The following CNOT4 variants were observed in gnomAD, a reference collection of about 807,000 sequenced individuals.
CNOT4 encodes CCR4-NOT transcription complex subunit 4, also known as CCR4-associated factor 4.
In CNOT4, 8 loss-of-function variants were observed where a neutral mutation model predicts 73.8. The observed-to-expected ratio is 0.11, with a 90% confidence interval of 0.06 to 0.20. CNOT4 has a LOEUF of 0.20. Among genes scored for constraint, CNOT4 ranks in the 10% least tolerant of loss-of-function variants. CNOT4 has a pLI of 1.00. For synonymous variants in CNOT4, 293 were observed against 321.1 expected (o/e 0.91, Z 0.94); for missense variants, 564 against 883.4 (o/e 0.64, Z 4.58).
chr7:135,476,109 T>C (rs1801976500), intron 1 of CNOT4, among the ~76,000 whole-genome samples: 1 of 152,062 alleles, frequency 6.6e-6, no homozygotes, highest in Admixed American at 6.5e-5. Context: ...AAAAATGTAG[T>C]AAAAAGATAC....
intron 7 of CNOT4, among the ~76,000 whole-genome samples, chr7:135,401,785 C>T (rs943110908): frequency 1.2e-4 from 19 of 152,112 alleles, no homozygotes; most frequent in African/African-American, 4.6e-4. Flanking sequence ...TCTGAAAAGG[C>T]TAGGAGTTGA....
At chr7:135,410,214 A>C (rs1302434728) in intron 7 of CNOT4, among the ~76,000 whole-genome samples, 2 of 152,104 alleles carry the variant, frequency 1.3e-5, no homozygotes, top group African/African-American at 4.8e-5. Flanking sequence ...GAGCCTTTTA[A>C]AACCTAAAAT....
rs76174522 is a variant in CNOT4, at chr7:135,379,770, T to C, written c.1627+14148A>G. On this transcript the variant is annotated intron_variant, in intron 10 of 11. Transcript: ENST00000541284. ...CAATCTTTTACCTTTAGCTGGATAC[T>C]AAACATATAGATGTAATAAAGGAAA... is the stretch of plus-strand genomic sequence containing the variant. Among the ~76,000 whole-genome samples the C allele has an allele frequency of 2.2e-3, 339 of 152,252 alleles. 12 individuals are homozygous for C. In the East Asian group the frequency reaches 0.054, roughly 24 times the overall value.
intron 3 of CNOT4, among the ~76,000 whole-genome samples, chr7:135,416,345 GTAAT>G (rs1406063862): frequency 6.6e-6 from 1 of 152,100 alleles, no homozygotes; most frequent in African/African-American, 2.4e-5. Context: ...TTAATAGAAA[GTAAT>G]TAATCTTATA....
chr7:135,435,051 G>C lies in CNOT4; in HGVS notation c.174+3107C>G, dbSNP rs574671645. ...AAAATTTGGGAAAATAAATTTCTCA[G>C]TTTATTTTCTGTAATTGTAAAATGA... On this transcript the variant is annotated intron_variant, in intron 2 of 11. Coordinates refer to ENST00000541284, the MANE Select transcript of CNOT4 (RefSeq NM_001190850.2). Among the ~76,000 whole-genome samples the C allele has an allele frequency of 4.6e-5, 7 of 152,186 alleles. No homozygotes were observed. The South Asian group carries it at 6.2e-4, about 14-fold the overall frequency.
chr7:135,364,017 C>A lies in CNOT4; in HGVS notation c.1677G>T (p.Gly559=). 1 of 1,598,130 alleles carries A rather than the reference C, an allele frequency of 6.3e-7. No homozygotes were observed. The highest frequency in any genetic ancestry group is 1.1e-5 in the South Asian group (1 of 91,046). The change falls in exon 11 of 12, where the codon GGG becomes GGT. Residue 559 remains glycine (G), a synonymous_variant. Transcript: ENST00000541284. This position sits in a 1 kb window ranked among gnomAD's most constrained non-coding sequence, Gnocchi z 4.3. ...ESLNMKEWQD[G]LRALLPNINI... is the part of the protein sequence containing the mutation. ...TAATGTTGGGTAGAAGTGCCCTTAG[C>A]CCGTCCTGCCATTCCTTCATATTTA...
intron 1 of CNOT4, among the ~76,000 whole-genome samples, chr7:135,450,127 C>T (rs1053150766): frequency 2.6e-5 from 4 of 152,092 alleles, no homozygotes; most frequent in Admixed American, 2.6e-4. Flanking sequence ...AGGAGAATCG[C>T]TTAAGCCCAG....
At chr7:135,452,288 T>C (rs139176834) in intron 1 of CNOT4, among the ~76,000 whole-genome samples, 2 of 151,544 alleles carry the variant, frequency 1.3e-5, no homozygotes, top group African/African-American at 4.8e-5. Context: ...TGTAAGAAAA[T>C]AGGGACAGGC....
chr7:135,410,604 T>C lies in CNOT4; in HGVS notation c.732A>G (p.Leu244=), dbSNP rs1460344879. The part of the protein sequence containing the change: ...QEYEQKLLQE[L]YKLNPNFLQL... ...GAAGAAAATTGGGATTTAATTTATATAATTCTTGAAGTAGCTTCTGTTCAT... is the reference window on the plus strand; with the variant it reads ...GAAGAAAATTGGGATTTAATTTATACAATTCTTGAAGTAGCTTCTGTTCAT... Residue 244 remains leucine (L), a synonymous_variant, in exon 7 of 12, where the codon TTA becomes TTG. Transcript: ENST00000541284. 11 of 1,598,660 alleles carry C rather than the reference T, an allele frequency of 6.9e-6. No individual in the cohort carries two copies. Among genetic ancestry groups the C allele is most frequent in the Middle Eastern group, 1.7e-4 (1 of 5,956 alleles).
At chr7:135,387,287 T>C in intron 10 of CNOT4, 2 of 985,242 alleles carry the variant, frequency 2.0e-6, no homozygotes, top group Non-Finnish European at 2.4e-6. Context: ...CTTAAATGGC[T>C]AGACAATTCG....
At chr7:135,476,280 A>C (rs1274381390) in intron 1 of CNOT4, among the ~76,000 whole-genome samples, 3 of 152,184 alleles carry the variant, frequency 2.0e-5, no homozygotes, top group Non-Finnish European at 4.4e-5. Context: ...CCAACCCACA[A>C]GATCAGCCGT....
chr7:135,363,730 G>A lies in CNOT4; in HGVS notation c.1840+124C>T, dbSNP rs1181027413. ...TGCATGACCCCTGAGAACGAAACAA[G>A]CCACTCCACACTTGCGGCTTTGTGA... On this transcript the variant is annotated intron_variant, in intron 11 of 11. Transcript: ENST00000541284. This position sits in a 1 kb window ranked among gnomAD's most constrained non-coding sequence, Gnocchi z 4.3. The A allele has an allele frequency of 4.0e-6, 3 of 747,852 alleles. No homozygotes were observed. The highest frequency in any genetic ancestry group is 5.2e-5 in the East Asian group (2 of 38,232). The allele number at this position is 747,852 out of a possible 1,614,324, so 46.3% of individuals were successfully genotyped here.
Position 135,422,139 on chromosome 7 carries a change from A to G in CNOT4, c.372+17T>C, listed in dbSNP as rs755592313. The G allele has an allele frequency of 6.6e-7, 1 of 1,518,450 alleles. No individual in the cohort carries two copies. The highest frequency in any genetic ancestry group is 9.1e-7 in the Non-Finnish European group (1 of 1,098,514). 94.1% of individuals were successfully genotyped at this position (1,518,450 alleles called of 1,614,324 possible). ...AACAAAAAATATCAAGATGACAAAG[A>G]AAACAAGAGGACTTACCTCTGGGTC... On this transcript the variant is annotated intron_variant, in intron 3 of 11. Transcript: ENST00000541284.
chr7:135,478,079 T>G (rs574735401), intron 1 of CNOT4, among the ~76,000 whole-genome samples: 1 of 152,322 alleles, frequency 6.6e-6, no homozygotes, highest in South Asian at 2.1e-4. Flanking sequence ...ATTACTATAC[T>G]AATTAACATA....
intron 1 of CNOT4, chr7:135,444,610 C>G: frequency 7.6e-7 from 1 of 1,317,278 alleles, no homozygotes; most frequent in Non-Finnish European, 1.1e-6. Context: ...CACTTGTCAC[C>G]GAGCCACCAT....
chr7:135,384,444 C>A (rs1016694084), intron 10 of CNOT4: 11 of 438,778 alleles, frequency 2.5e-5, no homozygotes, highest in African/African-American at 1.4e-4. Flanking sequence ...GCCACCACGC[C>A]CAGCTAATTT....
chr7:135,497,450 A>G (rs1803663602), intron 1 of CNOT4, among the ~76,000 whole-genome samples: 1 of 152,052 alleles, frequency 6.6e-6, no homozygotes, highest in Admixed American at 6.5e-5. Context: ...TTTAAGGTTC[A>G]TTCATCCAAT....
intron 1 of CNOT4, among the ~76,000 whole-genome samples, chr7:135,502,828 AAAAAAAG>A (rs1804080193): frequency 1.3e-5 from 2 of 151,232 alleles, no homozygotes; most frequent in East Asian, 1.9e-4. Context: ...AAAAAAAAAA[AAAAAAAG>A]AAAAAAAGAA....
At chr7:135,488,686 C>T (rs1267018537) in intron 1 of CNOT4, among the ~76,000 whole-genome samples, 1 of 152,080 alleles carries the variant, frequency 6.6e-6, no homozygotes, top group African/African-American at 2.4e-5. Context: ...TTTTTCAATG[C>T]ACTTTTTTAC....
Sources: gnomAD v4.1 joint callset for allele counts (sites outside exome capture counted in the v4.1 genomes callset) on GRCh38, gnomAD v4.1.1 for gene constraint, Gnocchi (gnomAD v3.1) non-coding constraint, MANE v1.5 for transcripts, NCBI Gene and HGNC (gene_info 2026-07-23, HGNC 2026-07-21) for gene names.